Variants in SDCBP observed in about 807,000 individuals in gnomAD.
SDCBP encodes syndecan binding protein.
In SDCBP, 22 loss-of-function variants were observed where a neutral mutation model predicts 30.5. The ratio of observed to expected loss-of-function variants is 0.72; its 90% CI spans 0.52 to 1.03. The LOEUF (loss-of-function observed/expected upper bound fraction) is 1.03. Ranked by LOEUF, SDCBP falls within the 50% of genes least tolerant of loss-of-function variation. The pLI, the probability that SDCBP is intolerant of heterozygous loss-of-function variation, is 0.00. For synonymous variants in SDCBP, 103 were observed against 118.7 expected, an observed-to-expected ratio of 0.87 and a Z score of 0.86; for missense variants, 304 against 369.9, an observed-to-expected ratio of 0.82 and a Z score of 1.46.
chr8:58,579,529 A>C, intron 6 of SDCBP, 94 bp from the exon 7 acceptor site: 1 of 906,188 alleles, frequency 1.1e-6, no homozygotes, highest in Non-Finnish European at 1.5e-6. Context: ...GTTTATTATA[A>C]AAGTATCCAA....
chr8:58,574,037 ATTTG>A (rs776244203), intron 4 of SDCBP, among the ~76,000 whole-genome samples: 1 of 152,158 alleles, frequency 6.6e-6, no homozygotes, highest in Non-Finnish European at 1.5e-5. Context: ...TCTTATTGTT[ATTTG>A]TTTATTTACA....
intron 1 of SDCBP, among the ~76,000 whole-genome samples, chr8:58,558,156 G>T (rs759215301): frequency 1.3e-5 from 2 of 152,162 alleles, no homozygotes; most frequent in Admixed American, 6.5e-5. Context: ...TACACTGTTA[G>T]GTTCAAAAGT....
At chr8:58,572,701 A>C (rs749600532) in intron 4 of SDCBP, among the ~76,000 whole-genome samples, 30 of 151,050 alleles carry the variant, frequency 2.0e-4, no homozygotes, top group Non-Finnish European at 4.1e-4. Flanking sequence ...ACTCTCTTAA[A>C]TTTCCTCTAG....
intron 1 of SDCBP, among the ~76,000 whole-genome samples, chr8:58,558,652 A>T (rs913534786): frequency 1.3e-5 from 2 of 152,220 alleles, no homozygotes; most frequent in Non-Finnish European, 2.9e-5. Context: ...GCCTTCAAGT[A>T]GTGGAGATAA....
chr8:58,557,294 A>G (rs914730707), intron 1 of SDCBP, among the ~76,000 whole-genome samples: 4 of 134,772 alleles, frequency 3.0e-5, no homozygotes, highest in East Asian at 4.2e-4. Context: ...TTATATTTAG[A>G]TATTTATATT....
rs567905673 is a variant in SDCBP, at chr8:58,578,972, T to C, written c.579-651T>C. Among the ~76,000 whole-genome samples, 139 of 152,274 alleles carry C rather than the reference T, an allele frequency of 9.1e-4. 1 individual carries two copies. The highest frequency in any genetic ancestry group is 3.2e-3 in the African/African-American group (135 of 41,552). On this transcript the variant is annotated intron_variant, in intron 6 of 8. Transcript: ENST00000260130. ...CTGAATTTAATAATGTAAACACAAG[T>C]TGATCCTAAAACCCTTATGATAACA...
intron 5 of SDCBP, among the ~76,000 whole-genome samples, chr8:58,576,524 T>C (rs929136024): frequency 6.6e-6 from 1 of 152,122 alleles, no homozygotes; most frequent in African/African-American, 2.4e-5. Context: ...GTGTGCATTT[T>C]TAAACCAAAT....
intron 2 of SDCBP, among the ~76,000 whole-genome samples, chr8:58,566,702 A>C (rs1804722986): frequency 6.6e-6 from 1 of 152,036 alleles, no homozygotes; most frequent in African/African-American, 2.4e-5. Flanking sequence ...ATCATTTTCT[A>C]AGGTGGATGA....
intron 2 of SDCBP, 49 bp downstream of exon 2, chr8:58,565,133 T>C: frequency 1.0e-6 from 1 of 956,818 alleles, no homozygotes. Context: ...TAACATGCAT[T>C]CTACTTATAG....
At chr8:58,569,339 A>T (rs1414236916) in intron 2 of SDCBP, among the ~76,000 whole-genome samples, 1 of 148,916 alleles carries the variant, frequency 6.7e-6, no homozygotes, top group Non-Finnish European at 1.5e-5. Flanking sequence ...AAGTGCTGGG[A>T]TTACAGGCAT....
intron 1 of SDCBP, among the ~76,000 whole-genome samples, chr8:58,558,003 C>T (rs553980682): frequency 1.3e-5 from 2 of 152,238 alleles, no homozygotes; most frequent in East Asian, 3.9e-4. Flanking sequence ...AGAAGGATTT[C>T]CCAGAGTTAG....
intron 1 of SDCBP, among the ~76,000 whole-genome samples, chr8:58,556,870 AATAC>A (rs202009384): frequency 0.31 from 44,346 of 142,806 alleles, 7,105 homozygotes; most frequent in East Asian, 0.55. Flanking sequence ...TAACATATAT[AATAC>A]ATATATATTA....
chr8:58,576,661 C>T (rs1805347839), intron 5 of SDCBP, among the ~76,000 whole-genome samples: 1 of 152,166 alleles, frequency 6.6e-6, no homozygotes, highest in African/African-American at 2.4e-5. Flanking sequence ...GCAGCCTTTA[C>T]TTTATAATTA....
intron 1 of SDCBP, among the ~76,000 whole-genome samples, chr8:58,562,519 G>T (rs28809811): frequency 0.3 from 45,686 of 151,846 alleles, 6,974 homozygotes; most frequent in East Asian, 0.47. Flanking sequence ...AAATAGAATT[G>T]AGATTGCAGA....
intron 1 of SDCBP, among the ~76,000 whole-genome samples, chr8:58,553,676 T>A (rs1450208683): frequency 6.6e-6 from 1 of 152,214 alleles, no homozygotes; most frequent in Non-Finnish European, 1.5e-5. Context: ...TCTCGATCCT[T>A]GTTTTCTCCT....
intron 1 of SDCBP, among the ~76,000 whole-genome samples, chr8:58,553,594 A>C (rs1803932998): frequency 6.6e-6 from 1 of 150,854 alleles, no homozygotes; most frequent in Non-Finnish European, 1.5e-5. Flanking sequence ...TGGGGCTGGC[A>C]GAGCCCGGAG....
At chr8:58,560,076 T>G (rs935705602) in intron 1 of SDCBP, among the ~76,000 whole-genome samples, 5 of 150,714 alleles carry the variant, frequency 3.3e-5, no homozygotes, top group African/African-American at 1.2e-4. Flanking sequence ...GAAAACAAAG[T>G]TGACAGTTTA....
In SDCBP at chr8:58,581,778, A is replaced by G; in HGVS notation, c.*38A>G. The G allele has an allele frequency of 6.3e-7, 1 of 1,584,482 alleles. No homozygotes were observed. Among genetic ancestry groups the G allele is most frequent in the South Asian group, 1.1e-5 (1 of 90,412 alleles). The stretch of plus-strand genomic sequence containing the variant: ...CATGGAAATGTAGCTGAACGTCTCC[A>G]GTTTCCTTCTTTGGCAACTTCTGTA... On this transcript the variant is annotated 3_prime_UTR_variant, in exon 9 of 9. Transcript: ENST00000260130.
At chr8:58,572,059 G>T (rs1805057040) in intron 3 of SDCBP, 146 bp from the exon 4 acceptor site, 1 of 572,002 alleles carries the variant, frequency 1.7e-6, no homozygotes, top group African/African-American at 1.9e-5. Flanking sequence ...GAGATGGGGA[G>T]ATGCCTTTCC....
Sources: allele counts gnomAD v4.1 joint callset (sites outside exome capture counted in the v4.1 genomes callset), GRCh38; gene constraint gnomAD v4.1.1; transcripts MANE v1.5; gene names NCBI Gene and HGNC (gene_info 2026-07-23, HGNC 2026-07-21).